Variants in SLC29A3 observed in about 807,000 individuals in gnomAD.
SLC29A3 encodes the protein equilibrative nucleoside transporter 3.
In SLC29A3, 18 loss-of-function variants were observed where a neutral mutation model predicts 25.4. The ratio of observed to expected loss-of-function variants is 0.71; its 90% confidence interval spans 0.49 to 1.05. The LOEUF (loss-of-function observed/expected upper bound fraction) is 1.05, where lower values mean the gene tolerates loss of function less well. SLC29A3 is among the 50% of genes least tolerant of loss of function. The pLI, the probability that SLC29A3 is intolerant of heterozygous loss-of-function variation, is 0.00. For synonymous variants in SLC29A3, 258 were observed against 267.1 expected (o/e 0.97, Z 0.33); for missense variants, 586 against 609.0 (o/e 0.96, Z 0.40).
At chr10:71,346,314 G>A (rs1400034202) in intron 3 of SLC29A3, among the ~76,000 whole-genome samples, 1 of 152,166 alleles carries the variant, frequency 6.6e-6, no homozygotes, top group African/African-American at 2.4e-5. Context: ...AACCCTCACG[G>A]CAGCCTAAGA....
intron 3 of SLC29A3, among the ~76,000 whole-genome samples, chr10:71,347,778 G>A (rs1325846206): frequency 1.3e-5 from 2 of 152,180 alleles, no homozygotes; most frequent in African/African-American, 2.4e-5. Context: ...ATCGTTTCTG[G>A]AATGCATTTG....
At chr10:71,355,972 G>T in intron 4 of SLC29A3, 109 bp from the exon 5 acceptor site, 4 of 1,303,020 alleles carry the variant, frequency 3.1e-6, no homozygotes, top group Non-Finnish European at 4.4e-6. Context: ...GGCATTTTTC[G>T]CACGGAGGAA....
At chr10:71,355,990 T>G in intron 4 of SLC29A3, 91 bp from the exon 5 acceptor site, 1 of 1,480,532 alleles carries the variant, frequency 6.8e-7, no homozygotes, top group African/African-American at 1.4e-5. Flanking sequence ...GAATTTTTAT[T>G]TTGGTTTGTG....
chr10:71,344,674 A>G (rs1196842214), intron 3 of SLC29A3, among the ~76,000 whole-genome samples: 1 of 151,704 alleles, frequency 6.6e-6, no homozygotes, highest in South Asian at 2.1e-4. Context: ...TGTGTCAACC[A>G]CTCCCAAGAG....
intron 2 of SLC29A3, among the ~76,000 whole-genome samples, chr10:71,342,620 G>A (rs1564533372): frequency 6.6e-6 from 1 of 152,200 alleles, no homozygotes; most frequent in African/African-American, 2.4e-5. Context: ...CTTGGGCTGG[G>A]GGCAGACGCA....
At chr10:71,319,364 C>G (rs1392255123) in intron 1 of SLC29A3, 54 bp downstream of exon 1, 1 of 608,576 alleles carries the variant, frequency 1.6e-6, no homozygotes, top group Non-Finnish European at 2.9e-6. Context: ...CGCCCCCAGA[C>G]TCGCGCTCAG....
In SLC29A3 at chr10:71,329,413, G is replaced by A. The variant is rs551728135; in HGVS notation, c.300+6359G>A. ...GCAGAGGCTGCAGTGAGCCATGATC[G>A]TGGCACTGCACTCCAGCCTGGGCAA... On this transcript the variant is annotated intron_variant, in intron 2 of 5. Transcript: ENST00000373189. Among the ~76,000 whole-genome samples, 59 of 149,872 alleles carry A rather than the reference G, an allele frequency of 3.9e-4. No homozygotes were observed. The South Asian group carries it at 0.012, about 30-fold the overall frequency.
chr10:71,326,300 T>G (rs745699677), intron 2 of SLC29A3, among the ~76,000 whole-genome samples: 1 of 152,174 alleles, frequency 6.6e-6, no homozygotes, highest in East Asian at 1.9e-4. Flanking sequence ...AGTAAATTAA[T>G]ATGTATTAAA....
chr10:71,331,490 C>A (rs138385748), intron 2 of SLC29A3, among the ~76,000 whole-genome samples: 1 of 152,056 alleles, frequency 6.6e-6, no homozygotes, highest in Non-Finnish European at 1.5e-5. Flanking sequence ...GAAGGAAAAA[C>A]GCATGATGAA....
chr10:71,332,342 G>T (rs541892086), intron 2 of SLC29A3, among the ~76,000 whole-genome samples: 12 of 151,710 alleles, frequency 7.9e-5, no homozygotes, highest in South Asian at 6.3e-4. Context: ...TAGAGATGGG[G>T]TTTCACCATG....
chr10:71,378,097 G>T (rs1461843052), intron 4 of SLC29A3, among the ~76,000 whole-genome samples: 1 of 39,314 alleles, frequency 2.5e-5, no homozygotes, highest in Non-Finnish European at 9.6e-5. Flanking sequence ...GACAATGTTG[G>T]GGGGGGGGGT....
chr10:71,319,569 A>G (rs915637078), intron 1 of SLC29A3: 2 of 393,730 alleles, frequency 5.1e-6, no homozygotes, highest in Non-Finnish European at 9.0e-6. Context: ...CACCGCCTGT[A>G]TGGTGGGGGC....
At chr10:71,355,073 G>A (rs1846866140) in intron 4 of SLC29A3, among the ~76,000 whole-genome samples, 1 of 152,208 alleles carries the variant, frequency 6.6e-6, no homozygotes, top group Non-Finnish European at 1.5e-5. Context: ...GGCGAGGCAG[G>A]GCATAGCGTT....
chr10:71,324,382 C>G (rs147851213), intron 2 of SLC29A3, among the ~76,000 whole-genome samples: 1 of 152,082 alleles, frequency 6.6e-6, no homozygotes. Flanking sequence ...TCTGTAAGAC[C>G]GACTGAGTAT....
At chr10:71,372,378 G>C (rs1445678460) in intron 3 of SLC29A3, among the ~76,000 whole-genome samples, 1 of 152,214 alleles carries the variant, frequency 6.6e-6, no homozygotes, top group East Asian at 1.9e-4. Context: ...AGGTCTGCCT[G>C]ACTCCAAGAC....
chr10:71,326,880 G>A (rs908981779), intron 2 of SLC29A3, among the ~76,000 whole-genome samples: 10 of 152,184 alleles, frequency 6.6e-5, no homozygotes, highest in Admixed American at 2.0e-4. Flanking sequence ...TTCATGGGCC[G>A]GGATTGGGAA....
intron 2 of SLC29A3, among the ~76,000 whole-genome samples, chr10:71,342,588 G>A (rs1227840591): frequency 6.6e-6 from 1 of 152,262 alleles, no homozygotes; most frequent in Non-Finnish European, 1.5e-5. Flanking sequence ...AGCAGCCACT[G>A]GATGAAGGGG....
Position 71,362,555 on chromosome 10 carries a change from T to C in SLC29A3, c.1375T>C (p.Leu459=). The C allele has an allele frequency of 6.2e-7, 1 of 1,614,192 alleles. No individual in the cohort carries two copies. The highest frequency in any genetic ancestry group is 8.5e-7 in the Non-Finnish European group (1 of 1,180,046). Residue 459 remains leucine, a synonymous_variant, in exon 6 of 6, where the codon TTG becomes CTG. Transcript: ENST00000373189. The part of the protein sequence containing the change: ...TGVVMSFYVC[L]GLTLGSACST... ...AGTGGTGATGTCCTTTTATGTGTGC[T>C]TGGGCTTAACACTGGGCTCAGCCTG...
rs909124338 is a variant in SLC29A3, at chr10:71,320,914, G to A, written c.1+1604G>A. On this transcript the variant is annotated intron_variant, in intron 1 of 5. Transcript: ENST00000373189. ...TCCCATTCCCAGCCAGTCCTCCCCG[G>A]TGTGCTGAGGAGTCCAGCATGGGCC... 5.3e-5 allele frequency among the ~76,000 whole-genome samples: 8 copies of A among 152,304 alleles called. No homozygotes were observed. The East Asian group carries it at 5.8e-4, about 11-fold the overall frequency.
Sources: allele counts gnomAD v4.1 joint callset (sites outside exome capture counted in the v4.1 genomes callset), GRCh38; gene constraint gnomAD v4.1.1; transcripts MANE v1.5; gene names NCBI Gene and HGNC (gene_info 2026-07-23, HGNC 2026-07-21).